The following MGMT variants were observed in gnomAD, a reference collection of about 807,000 sequenced individuals.
MGMT encodes O-6-methylguanine-DNA methyltransferase, also known as methylated-DNA--protein-cysteine methyltransferase.
A neutral mutation model predicts 15.9 loss-of-function variants in MGMT; 14 were observed. That is an observed-to-expected ratio of 0.88 (90% CI 0.58 to 1.37). MGMT has a LOEUF of 1.37. Among genes scored for constraint, MGMT ranks in the 40% most tolerant of loss-of-function variants. MGMT has a pLI of 0.00. For missense variants in MGMT, 282 were observed against 268.1 expected (o/e 1.05, Z -0.36); for synonymous variants, 130 against 118.2 (o/e 1.10, Z -0.65).
chr10:129,683,116 C>T lies in MGMT; in HGVS notation c.126-24779C>T, dbSNP rs551604066. Among the ~76,000 whole-genome samples the T allele has an allele frequency of 6.6e-5, 10 of 152,270 alleles. No homozygotes were observed. In the East Asian group the frequency reaches 9.7e-4, roughly 15 times the overall value. ...CACCAGCCTCGGCCTCCCTAAGTGC[C>T]GGGATTACAGGCGTGAGCCACCACG... On this transcript the variant is annotated intron_variant, in intron 2 of 4. Coordinates refer to ENST00000651593, the MANE Select transcript of MGMT (RefSeq NM_002412.5).
intron 2 of MGMT, among the ~76,000 whole-genome samples, chr10:129,661,349 C>T (rs1589921733): frequency 1.3e-5 from 2 of 152,214 alleles, no homozygotes; most frequent in Admixed American, 1.3e-4. Flanking sequence ...TAAATGTTCA[C>T]GGATGCAGCC....
chr10:129,708,009 C>A lies in MGMT; in HGVS notation c.240C>A (p.Pro80=). ...FHQPEAIEEF[P]VPALHHPVFQ... is the part of the protein sequence containing the mutation. ...AGCCCGAGGCTATCGAAGAGTTCCC[C>A]GTGCCGGCTCTTCACCATCCCGTTT... Residue 80 remains proline (P), a synonymous_variant, in exon 3 of 5, where the codon CCC becomes CCA. Coordinates refer to ENST00000651593, the MANE Select transcript of MGMT (RefSeq NM_002412.5). 1 of 1,613,734 alleles carries A rather than the reference C, an allele frequency of 6.2e-7. No individual in the cohort carries two copies. The highest frequency in any genetic ancestry group is 8.5e-7 in the Non-Finnish European group (1 of 1,179,952).
chr10:129,666,561 T>C (rs1324254139), intron 2 of MGMT, among the ~76,000 whole-genome samples: 1 of 152,238 alleles, frequency 6.6e-6, no homozygotes, highest in Non-Finnish European at 1.5e-5. Context: ...TTGAAATTAC[T>C]AATTTATTAT....
chr10:129,671,447 A>G (rs1284685573), intron 2 of MGMT, among the ~76,000 whole-genome samples: 4 of 151,852 alleles, frequency 2.6e-5, no homozygotes, highest in African/African-American at 9.7e-5. Flanking sequence ...TTTTTGGTAA[A>G]TAAGTATTTG....
rs187308564 is a variant in MGMT, at chr10:129,693,425, A to G, written c.126-14470A>G. Among the ~76,000 whole-genome samples, 305 of 152,282 alleles carry G rather than the reference A, an allele frequency of 2.0e-3. 2 individuals are homozygous for G. The highest frequency in any genetic ancestry group is 2.6e-3 in the Non-Finnish European group (180 of 68,016). ...ATCCTTTCCTTTCAAAAGATCCCCAAGTTACCCCGGTCTAAGCTAAGAAGG... is the reference window on the plus strand; with the variant it reads ...ATCCTTTCCTTTCAAAAGATCCCCAGGTTACCCCGGTCTAAGCTAAGAAGG... On this transcript the variant is annotated intron_variant, in intron 2 of 4. Transcript: ENST00000651593.
rs7477257 is a variant in MGMT at position 129,533,963 on chromosome 10, G to A, written c.-12-2278G>A. On this transcript the variant is annotated intron_variant, in intron 1 of 4. Transcript: ENST00000651593. The surrounding 1 kb of genome is among the most constrained non-coding windows in gnomAD (Gnocchi z 4.5). ...CAGCGTACTCCAGGGGATAAGATCA[G>A]AGGTGAAGGGGGTTGGGCTAAAATG... Among the ~76,000 whole-genome samples, 1,223 of 152,286 alleles carry A rather than the reference G, an allele frequency of 8.0e-3. 16 individuals are homozygous for A. Among genetic ancestry groups the A allele is most frequent in the African/African-American group, 0.028 (1,175 of 41,552 alleles).
chr10:129,716,601 C>T (rs1047050140), intron 3 of MGMT, among the ~76,000 whole-genome samples: 10 of 152,226 alleles, frequency 6.6e-5, no homozygotes, highest in African/African-American at 2.2e-4. Context: ...AAGACATATA[C>T]TTTTCATAGA....
intron 2 of MGMT, among the ~76,000 whole-genome samples, chr10:129,584,214 A>T (rs1846591669): frequency 6.6e-6 from 1 of 152,154 alleles, no homozygotes; most frequent in African/African-American, 2.4e-5. Flanking sequence ...AGGGAAACAG[A>T]CATGGAGGGG....
chr10:129,533,357 CG>C lies in MGMT; in HGVS notation c.-12-2880del, dbSNP rs1845952747. On this transcript the variant is annotated intron_variant, in intron 1 of 4. Coordinates refer to ENST00000651593, the MANE Select transcript of MGMT (RefSeq NM_002412.5). The surrounding 1 kb of genome is among the most constrained non-coding windows in gnomAD (Gnocchi z 4.5). ...AAGAGTGCTACCTGATGCAGGTGCTCGGGGCTGGCCAGGATCCCCACCTGAG... is the reference window on the plus strand; with the variant it reads ...AAGAGTGCTACCTGATGCAGGTGCTCGGGCTGGCCAGGATCCCCACCTGAG... Among the ~76,000 whole-genome samples the C allele has an allele frequency of 6.6e-6, 1 of 152,154 alleles. No individual in the cohort carries two copies. Among genetic ancestry groups the C allele is most frequent in the African/African-American group, 2.4e-5 (1 of 41,434 alleles).
intron 4 of MGMT, among the ~76,000 whole-genome samples, chr10:129,765,709 C>T (rs564331220): frequency 1.7e-4 from 26 of 152,234 alleles, no homozygotes; most frequent in African/African-American, 5.8e-4. Context: ...CAGGGCGCCC[C>T]GAACCCTGGG....
At chr10:129,753,052 TCTCTAA>T (rs1410673935) in intron 3 of MGMT, among the ~76,000 whole-genome samples, 1 of 152,200 alleles carries the variant, frequency 6.6e-6, no homozygotes, top group Non-Finnish European at 1.5e-5. Context: ...TCAGCAAATG[TCTCTAA>T]CTCTAACTTC....
intron 2 of MGMT, among the ~76,000 whole-genome samples, chr10:129,623,115 AG>A (rs1434582183): frequency 6.6e-6 from 1 of 152,220 alleles, no homozygotes; most frequent in African/African-American, 2.4e-5. Context: ...TGCGTAGTGT[AG>A]GGTGCTGTAG....
At chr10:129,749,723 T>A (rs1848732537) in intron 3 of MGMT, among the ~76,000 whole-genome samples, 2 of 152,196 alleles carry the variant, frequency 1.3e-5, no homozygotes, top group South Asian at 4.1e-4. Context: ...TTTACCATTT[T>A]GCATTCCCAT....
intron 2 of MGMT, among the ~76,000 whole-genome samples, chr10:129,598,141 G>T (rs1846773479): frequency 6.6e-6 from 1 of 152,186 alleles, no homozygotes; most frequent in Non-Finnish European, 1.5e-5. Context: ...AGGAAGATGA[G>T]GACCCTGTTC....
intron 2 of MGMT, among the ~76,000 whole-genome samples, chr10:129,655,444 G>A (rs376717758): frequency 6.6e-6 from 1 of 152,178 alleles, no homozygotes; most frequent in Non-Finnish European, 1.5e-5. Flanking sequence ...TGACCCTGAC[G>A]CTTCTAGAGG....
chr10:129,640,370 A>G (rs1324949147), intron 2 of MGMT, among the ~76,000 whole-genome samples: 1 of 152,252 alleles, frequency 6.6e-6, no homozygotes, highest in Admixed American at 6.5e-5. Flanking sequence ...TGCTGAGATT[A>G]TAGGCGTGAG....
At chr10:129,493,569 G>C (rs957170684) in intron 1 of MGMT, among the ~76,000 whole-genome samples, 3 of 152,102 alleles carry the variant, frequency 2.0e-5, no homozygotes, top group Non-Finnish European at 4.4e-5. Flanking sequence ...TAAAAATCTT[G>C]AAGATTTAGA....
At chr10:129,530,955 G>A (rs993360422) in intron 1 of MGMT, among the ~76,000 whole-genome samples, 4 of 152,222 alleles carry the variant, frequency 2.6e-5, no homozygotes, top group East Asian at 1.9e-4. Flanking sequence ...CCAGCCCTGC[G>A]GAGTGGTTCC....
intron 2 of MGMT, among the ~76,000 whole-genome samples, chr10:129,646,452 C>G (rs1847389598): frequency 6.6e-6 from 1 of 151,866 alleles, no homozygotes; most frequent in Non-Finnish European, 1.5e-5. Context: ...AAATAAAAGA[C>G]CTTTTATCCC....
Sources: gnomAD v4.1 joint callset for allele counts (sites outside exome capture counted in the v4.1 genomes callset) on GRCh38, gnomAD v4.1.1 for gene constraint, Gnocchi (gnomAD v3.1) non-coding constraint, MANE v1.5 for transcripts, NCBI Gene and HGNC (gene_info 2026-07-23, HGNC 2026-07-21) for gene names.